Variants in GRM7 observed in about 807,000 individuals in gnomAD.
GRM7 encodes glutamate metabotropic receptor 7, also known as metabotropic glutamate receptor 7.
A neutral mutation model predicts 84.5 loss-of-function variants in GRM7; 35 were observed. The ratio of observed to expected loss-of-function variants is 0.41; its 90% CI spans 0.32 to 0.55. The LOEUF (loss-of-function observed/expected upper bound fraction) is 0.55, where lower values mean the gene tolerates loss of function less well. Among genes scored for constraint, GRM7 ranks in the 20% least tolerant of loss-of-function variants. The probability of loss-of-function intolerance (pLI) is 0.19; values close to 1 mark genes in which losing one functional copy is unlikely to be tolerated. For missense variants in GRM7, 1,003 were observed against 1,194.6 expected (o/e 0.84, Z 2.36); for synonymous variants, 487 against 455.1 (o/e 1.07, Z -0.89).
chr3:7,578,711 T>C lies in GRM7; in HGVS notation c.1805T>C (p.Ile602Thr). 6.2e-7 allele frequency: 1 copy of C among 1,613,990 alleles called. No individual in the cohort carries two copies. ...VIPVFLAMLG[I>T]IATIFVMATF... The stretch of plus-strand genomic sequence containing the variant: ...CCTGTCTTCCTGGCAATGTTGGGGA[T>C]CATTGCCACCATCTTTGTCATGGCC... The change falls in exon 8 of 10, where the codon ATC (isoleucine) becomes ACC (threonine). Residue 602 changes from isoleucine (I) to threonine (T), a missense_variant. Transcript: ENST00000357716.
intron 1 of GRM7, among the ~76,000 whole-genome samples, chr3:7,114,711 T>C (rs1197431457): frequency 6.6e-6 from 1 of 152,192 alleles, no homozygotes; most frequent in Non-Finnish European, 1.5e-5. Flanking sequence ...GCTGCACTTT[T>C]GGAAAGCCTG....
At chr3:7,306,700 A>G (rs773056595) in intron 4 of GRM7, 48 bp downstream of exon 4, 5 of 1,476,466 alleles carry the variant, frequency 3.4e-6, no homozygotes, top group South Asian at 1.3e-5. Context: ...TTCTGGTGCC[A>G]TGCTGAATGG....
chr3:7,371,014 A>G (rs1694108369), intron 4 of GRM7, among the ~76,000 whole-genome samples: 1 of 152,202 alleles, frequency 6.6e-6, no homozygotes, highest in Non-Finnish European at 1.5e-5. Flanking sequence ...AACTTGAACA[A>G]GTGCAAAAGT....
chr3:7,689,973 T>C (rs945723057), intron 9 of GRM7, among the ~76,000 whole-genome samples: 7 of 152,136 alleles, frequency 4.6e-5, no homozygotes, highest in African/African-American at 1.7e-4. Flanking sequence ...ATGTGCCAAG[T>C]GTCACCAAGC....
intron 8 of GRM7, among the ~76,000 whole-genome samples, chr3:7,651,384 C>T (rs1206627905): frequency 6.6e-6 from 1 of 152,164 alleles, no homozygotes; most frequent in Non-Finnish European, 1.5e-5. Context: ...TTTGCAGTAC[C>T]AGCCTCCCTG....
intron 7 of GRM7, among the ~76,000 whole-genome samples, chr3:7,560,111 T>G (rs148566070): frequency 9.7e-4 from 147 of 152,172 alleles, no homozygotes; most frequent in South Asian, 2.3e-3. Flanking sequence ...GGCTTTACCC[T>G]TAATTACAGA....
chr3:7,393,290 C>T (rs918256129), intron 4 of GRM7, among the ~76,000 whole-genome samples: 2 of 152,154 alleles, frequency 1.3e-5, no homozygotes, highest in African/African-American at 4.8e-5. Flanking sequence ...CAAGTGCCTG[C>T]GGAATTCTGT....
chr3:7,002,175 T>C (rs899546553), intron 1 of GRM7, among the ~76,000 whole-genome samples: 2 of 152,188 alleles, frequency 1.3e-5, no homozygotes, highest in African/African-American at 2.4e-5. Flanking sequence ...TTAGGAATTA[T>C]TAAGAGAAGG....
At chr3:7,712,428 C>A (rs1437766549) in intron 9 of GRM7, among the ~76,000 whole-genome samples, 2 of 151,608 alleles carry the variant, frequency 1.3e-5, no homozygotes, top group African/African-American at 4.8e-5. Flanking sequence ...TCTTCCTCCT[C>A]CCTCTCCTTC....
chr3:7,576,975 T>A (rs1694996412), intron 7 of GRM7, among the ~76,000 whole-genome samples: 1 of 152,216 alleles, frequency 6.6e-6, no homozygotes, highest in Admixed American at 6.5e-5. Flanking sequence ...ACCAGTGATC[T>A]TTGTCTTTCC....
intron 1 of GRM7, among the ~76,000 whole-genome samples, chr3:6,927,503 AAGAAAGAAAGAAAG>A (rs1697352376): frequency 6.6e-6 from 1 of 150,882 alleles, no homozygotes; most frequent in Non-Finnish European, 1.5e-5. Flanking sequence ...GAAAGAAAGA[AAGAAAGAAAGAAAG>A]AAGAGAAAAG....
At chr3:7,454,207 A>G (rs975509968) in intron 6 of GRM7, among the ~76,000 whole-genome samples, 2 of 151,806 alleles carry the variant, frequency 1.3e-5, no homozygotes, top group Non-Finnish European at 2.9e-5. Context: ...TCAAGTTTTA[A>G]ACATATTTCT....
intron 5 of GRM7, among the ~76,000 whole-genome samples, chr3:7,423,850 G>A (rs187013209): frequency 6.6e-5 from 10 of 152,144 alleles, no homozygotes; most frequent in Admixed American, 3.3e-4. Context: ...GTATGTGGGC[G>A]AACACATATG....
At chr3:6,973,522 A>G (rs1693850104) in intron 1 of GRM7, among the ~76,000 whole-genome samples, 1 of 152,218 alleles carries the variant, frequency 6.6e-6, no homozygotes, top group Admixed American at 6.5e-5. Context: ...ATAAACATAT[A>G]CTATATCAAG....
intron 5 of GRM7, among the ~76,000 whole-genome samples, chr3:7,442,613 G>C (rs712783): frequency 0.73 from 110,370 of 152,006 alleles, 40,446 homozygotes; most frequent in African/African-American, 0.8. Context: ...GGGCATGGTA[G>C]CAGTGAGATG....
At chr3:7,067,230 T>C (rs1171502290) in intron 1 of GRM7, among the ~76,000 whole-genome samples, 1 of 151,956 alleles carries the variant, frequency 6.6e-6, no homozygotes, top group Non-Finnish European at 1.5e-5. Context: ...GAAGTCAAAC[T>C]GTCACTGTTT....
chr3:6,949,090 C>T (rs943161337), intron 1 of GRM7, among the ~76,000 whole-genome samples: 1 of 152,270 alleles, frequency 6.6e-6, no homozygotes, highest in East Asian at 1.9e-4. Flanking sequence ...GAATTTTATC[C>T]TATCATTATG....
intron 8 of GRM7, among the ~76,000 whole-genome samples, chr3:7,664,099 C>G (rs1328842348): frequency 1.3e-5 from 2 of 152,162 alleles, no homozygotes; most frequent in Non-Finnish European, 2.9e-5. Flanking sequence ...GCCAAACTTT[C>G]CAGAATCTAC....
At chr3:7,370,157 T>G (rs1164324032) in intron 4 of GRM7, among the ~76,000 whole-genome samples, 2 of 152,176 alleles carry the variant, frequency 1.3e-5, no homozygotes, top group South Asian at 2.1e-4. Context: ...TACTAAAAGG[T>G]TTTTTTGGGT....
Sources: gnomAD v4.1 joint callset for allele counts (sites outside exome capture counted in the v4.1 genomes callset) on GRCh38, gnomAD v4.1.1 for gene constraint, MANE v1.5 for transcripts, NCBI Gene and HGNC (gene_info 2026-07-23, HGNC 2026-07-21) for gene names.